LARP4B: variants seen among roughly 807,000 people sequenced by gnomAD.
The protein encoded by LARP4B is La ribonucleoprotein 4B.
A neutral mutation model predicts 89.8 loss-of-function variants in LARP4B; 12 were observed. That is an observed-to-expected ratio of 0.13 (90% confidence interval 0.09 to 0.22). LARP4B has a LOEUF of 0.22. Ranked by LOEUF, LARP4B falls within the 10% of genes least tolerant of loss-of-function variation. LARP4B has a pLI of 1.00. For missense variants in LARP4B, 757 were observed against 947.7 expected (o/e 0.80, Z 2.64); for synonymous variants, 367 against 363.3 (o/e 1.01, Z -0.12).
chr10:974,672 C>T, the LARP4B span, among the ~76,000 whole-genome samples: 1 of 152,232 alleles, frequency 6.6e-6, no homozygotes, highest in Non-Finnish European at 1.5e-5. Flanking sequence ...CTGGTCCGAG[C>T]TCCCTCGCCC....
intron 15 of LARP4B, among the ~76,000 whole-genome samples, chr10:817,052 T>C (rs190651504): frequency 2.0e-3 from 307 of 152,326 alleles, no homozygotes; most frequent in African/African-American, 6.8e-3. Flanking sequence ...CAGCAGGTTC[T>C]TCCTGGGCTC....
the LARP4B span, among the ~76,000 whole-genome samples, chr10:966,739 C>T: frequency 5.3e-5 from 8 of 152,256 alleles, no homozygotes; most frequent in African/African-American, 1.9e-4. Flanking sequence ...GTGACCCCCA[C>T]TGTGGCTGAC....
At chr10:948,350 G>T in the LARP4B span, among the ~76,000 whole-genome samples, 1 of 152,122 alleles carries the variant, frequency 6.6e-6, no homozygotes, top group Admixed American at 6.5e-5. Context: ...AGGTTCAAGC[G>T]ATTCTCCTGC....
chr10:931,517 G>C lies in LARP4B; in HGVS notation c.-129C>G, dbSNP rs1231195372. ...GGCGGCCGCGCCACACGCGGGGACG[G>C]CGAGGAGAGAGACGGCAGGGAGAGG... On this transcript the variant is annotated 5_prime_UTR_variant, in exon 1 of 18. Coordinates refer to ENST00000316157, the MANE Select transcript of LARP4B (RefSeq NM_015155.3). 2 of 149,912 alleles carry C rather than the reference G, an allele frequency of 1.3e-5. No homozygotes were observed. The highest frequency in any genetic ancestry group is 4.9e-5 in the African/African-American group (2 of 40,902). The allele number at this position is 149,912 out of a possible 1,614,324, so 9.3% of individuals were successfully genotyped here.
intron 1 of LARP4B, among the ~76,000 whole-genome samples, chr10:891,418 T>C (rs187344324): frequency 3.3e-5 from 5 of 152,294 alleles, no homozygotes; most frequent in Admixed American, 2.0e-4. Context: ...TACTAAAAAA[T>C]GATTCTAGTT....
chr10:836,608 G>A, intron 7 of LARP4B, 102 bp from the exon 8 acceptor site: 1 of 732,990 alleles, frequency 1.4e-6, no homozygotes, highest in African/African-American at 1.8e-5. Flanking sequence ...ATAAGCTAAA[G>A]AAACCTGCAA....
At chr10:965,515 C>T in the LARP4B span, among the ~76,000 whole-genome samples, 63 of 152,124 alleles carry the variant, frequency 4.1e-4, no homozygotes, top group Non-Finnish European at 6.6e-4. Flanking sequence ...ACACCAAGAA[C>T]GCAGCAGACG....
chr10:923,625 A>G (rs1837049968), intron 1 of LARP4B, among the ~76,000 whole-genome samples: 1 of 152,224 alleles, frequency 6.6e-6, no homozygotes, highest in Non-Finnish European at 1.5e-5. Flanking sequence ...ATCAACAAAG[A>G]TAAAAAGAAT....
chr10:970,962 G>T, the LARP4B span, among the ~76,000 whole-genome samples: 1 of 152,196 alleles, frequency 6.6e-6, no homozygotes, highest in Non-Finnish European at 1.5e-5. Flanking sequence ...TTGCTCTGCT[G>T]CGTGTCAGAG....
the LARP4B span, among the ~76,000 whole-genome samples, chr10:950,201 T>A: frequency 3.4e-4 from 52 of 152,262 alleles, 1 homozygote; most frequent in Admixed American, 2.0e-3. Flanking sequence ...TGTCTTTTCA[T>A]CTTCTTAACA....
At chr10:887,276 A>G (rs540389818) in intron 1 of LARP4B, among the ~76,000 whole-genome samples, 6 of 152,306 alleles carry the variant, frequency 3.9e-5, no homozygotes, top group East Asian at 1.9e-4. Context: ...TGCTGAGAGT[A>G]TATTTTAGGT....
intron 3 of LARP4B, among the ~76,000 whole-genome samples, chr10:871,391 G>A (rs747613212): frequency 3.3e-5 from 5 of 151,958 alleles, no homozygotes; most frequent in South Asian, 2.1e-4. Flanking sequence ...CCTCTGCACC[G>A]TCCCCTGCGT....
chr10:887,366 A>G (rs1835887928), intron 1 of LARP4B, among the ~76,000 whole-genome samples: 1 of 151,904 alleles, frequency 6.6e-6, no homozygotes, highest in Non-Finnish European at 1.5e-5. Context: ...TAACCATTTC[A>G]CTATGTATAT....
In LARP4B at chr10:829,365, C is replaced by CA; in HGVS notation, c.1125+19_1125+20insT. 1 of 1,559,374 alleles carries CA rather than the reference C, an allele frequency of 6.4e-7. No homozygotes were observed. The highest frequency in any genetic ancestry group is 1.2e-5 in the South Asian group (1 of 83,530). ...AGCATAGTGTCTACAACATAAATTC[C>CA]TAGTAAAGAAATGACGTACCAAGGG... On this transcript the variant is annotated intron_variant, in intron 11 of 17. Transcript: ENST00000316157.
At chr10:978,830 G>C in the LARP4B span, among the ~76,000 whole-genome samples, 1 of 152,148 alleles carries the variant, frequency 6.6e-6, no homozygotes, top group South Asian at 2.1e-4. Flanking sequence ...CTTATGGTAA[G>C]ATTTCTCAGT....
intron 3 of LARP4B, among the ~76,000 whole-genome samples, chr10:869,448 C>T (rs1835083207): frequency 6.6e-6 from 1 of 152,200 alleles, no homozygotes; most frequent in South Asian, 2.1e-4. Flanking sequence ...AGAGTTTGCA[C>T]ACAACCTCTG....
chr10:939,003 G>T, the LARP4B span, among the ~76,000 whole-genome samples: 9 of 152,262 alleles, frequency 5.9e-5, no homozygotes, highest in African/African-American at 1.4e-4. Flanking sequence ...GTACAGGCAG[G>T]GTTCCTGACA....
intron 2 of LARP4B, among the ~76,000 whole-genome samples, chr10:884,960 G>C (rs556957400): frequency 7.9e-4 from 120 of 152,158 alleles, no homozygotes; most frequent in Non-Finnish European, 1.5e-3. Context: ...TTTTGTTTTT[G>C]TTATCATCTA....
In LARP4B at chr10:822,531, G is replaced by A. The variant is rs916609586; in HGVS notation, c.1485-1686C>T. Among the ~76,000 whole-genome samples the A allele has an allele frequency of 8.5e-5, 13 of 152,180 alleles. No individual in the cohort carries two copies. The highest frequency in any genetic ancestry group is 7.2e-4 in the Admixed American group (11 of 15,280). ...CCCCCACACCCTCACTGGGCTCCAC[G>A]TAACCCGTGTCAGACCCAGAAGCCC... is the stretch of plus-strand genomic sequence containing the variant. On this transcript the variant is annotated intron_variant, in intron 13 of 17. Coordinates refer to ENST00000316157, the MANE Select transcript of LARP4B (RefSeq NM_015155.3). This position sits in a 1 kb window ranked among gnomAD's most constrained non-coding sequence, Gnocchi z 4.6.
Sources: allele counts gnomAD v4.1 joint callset (sites outside exome capture counted in the v4.1 genomes callset), GRCh38; gene constraint gnomAD v4.1.1; non-coding constraint Gnocchi (gnomAD v3.1); transcripts MANE v1.5; gene names NCBI Gene and HGNC (gene_info 2026-07-23, HGNC 2026-07-21).